EVL: variants seen among roughly 807,000 people sequenced by gnomAD.
EVL encodes ena/VASP-like protein.
Under a neutral mutation model 59.6 loss-of-function variants are expected in EVL, and 21 were observed. That is an observed-to-expected ratio of 0.35 (90% CI 0.25 to 0.51). The LOEUF (loss-of-function observed/expected upper bound fraction) is 0.51, where lower values mean the gene tolerates loss of function less well. Ranked by LOEUF, EVL falls within the 20% of genes least tolerant of loss-of-function variation. EVL has a pLI of 0.97. For synonymous variants in EVL, 198 were observed against 203.5 expected (o/e 0.97, Z 0.23); for missense variants, 462 against 546.6 (o/e 0.85, Z 1.54).
At chr14:100,058,037 A>G (rs1387948642) in intron 1 of EVL, among the ~76,000 whole-genome samples, 1 of 152,252 alleles carries the variant, frequency 6.6e-6, no homozygotes, top group Non-Finnish European at 1.5e-5. Flanking sequence ...AGACCCTTTC[A>G]TTCACAAACA....
At chr14:100,121,126 T>C (rs1196234139) in intron 3 of EVL, among the ~76,000 whole-genome samples, 1 of 152,178 alleles carries the variant, frequency 6.6e-6, no homozygotes, top group Non-Finnish European at 1.5e-5. Flanking sequence ...AGGGAAGTCA[T>C]GTGTAGTGCC....
chr14:100,038,875 G>A (rs150149775), intron 1 of EVL, among the ~76,000 whole-genome samples: 3,997 of 151,374 alleles, frequency 0.026, 81 homozygotes, highest in Non-Finnish European at 0.04. Context: ...TGGGTTATTG[G>A]TTACTTTTCC....
intron 1 of EVL, among the ~76,000 whole-genome samples, chr14:100,056,965 A>C (rs1306084929): frequency 6.6e-6 from 1 of 152,240 alleles, no homozygotes; most frequent in African/African-American, 2.4e-5. Flanking sequence ...ACCACTAAAT[A>C]GATAAAATTT....
At chr14:100,087,584 A>C (rs2062473851) in intron 2 of EVL, among the ~76,000 whole-genome samples, 1 of 152,244 alleles carries the variant, frequency 6.6e-6, no homozygotes, top group African/African-American at 2.4e-5. Context: ...ACTGCATTCC[A>C]GCCTGGGTGA....
chr14:100,099,843 G>A (rs914998329), intron 3 of EVL, among the ~76,000 whole-genome samples: 1 of 151,668 alleles, frequency 6.6e-6, no homozygotes, highest in Non-Finnish European at 1.5e-5. Context: ...AAAGTGCTGG[G>A]ATTACAGGCG....
chr14:100,007,207 T>C (rs542030041), intron 1 of EVL, among the ~76,000 whole-genome samples: 1 of 152,138 alleles, frequency 6.6e-6, no homozygotes, highest in African/African-American at 2.4e-5. Flanking sequence ...TCAGTATATG[T>C]AAGATATATA....
At chr14:100,120,309 C>T (rs973545384) in intron 3 of EVL, among the ~76,000 whole-genome samples, 16 of 152,234 alleles carry the variant, frequency 1.1e-4, no homozygotes, top group African/African-American at 3.4e-4. Flanking sequence ...CCCTTCCTGA[C>T]TTAGTTCAGT....
intron 11 of EVL, 93 bp from the exon 12 acceptor site, chr14:100,141,087 C>A: frequency 8.2e-7 from 1 of 1,216,554 alleles, no homozygotes; most frequent in Non-Finnish European, 1.2e-6. Context: ...GCGAGGGGAG[C>A]AGGTGGGCCC....
At position 100,130,714 on chromosome 14, in the gene EVL, A is replaced by T. The variant is rs1888380460; in HGVS notation, c.839+1030A>T. ...GGCAGCTGGTGTGGCGCTTCATGGC[A>T]GGGCCACAGCCTGGGTTTCCTGCCA... On this transcript the variant is annotated intron_variant, in intron 7 of 13. Transcript: ENST00000392920. The surrounding 1 kb of genome is among the most constrained non-coding windows in gnomAD (Gnocchi z 4.8). Among the ~76,000 whole-genome samples, 1 of 152,220 alleles carries T rather than the reference A, an allele frequency of 6.6e-6. No individual in the cohort carries two copies. Among genetic ancestry groups the T allele is most frequent in the Non-Finnish European group, 1.5e-5 (1 of 68,036 alleles).
At chr14:100,073,326 T>C (rs562926439) in intron 1 of EVL, among the ~76,000 whole-genome samples, 42 of 150,920 alleles carry the variant, frequency 2.8e-4, no homozygotes, top group Middle Eastern at 3.4e-3. Flanking sequence ...TTTTCTTTTT[T>C]TTTTTTTTTT....
In EVL at chr14:100,109,858, C is replaced by T. The variant is rs567223877; in HGVS notation, c.358+12200C>T. ...TGCATACTGTGGAAGGAACTTCGGA[C>T]GTGAACTCGGATCTGGTTCCAGTAC... is the stretch of plus-strand genomic sequence containing the variant. On this transcript the variant is annotated intron_variant, in intron 3 of 13. Coordinates refer to ENST00000392920, the MANE Select transcript of EVL (RefSeq NM_016337.3). This position sits in a 1 kb window ranked among gnomAD's most constrained non-coding sequence, Gnocchi z 4.3. 1.8e-5 allele frequency: 7 copies of T among 391,796 alleles called. No individual in the cohort carries two copies. The highest frequency in any genetic ancestry group is 2.1e-5 in the Non-Finnish European group (4 of 188,016). The allele number at this position is 391,796 out of a possible 1,614,324, so 24.3% of individuals were successfully genotyped here.
intron 13 of EVL, among the ~76,000 whole-genome samples, chr14:100,143,369 TC>T (rs1233204775): frequency 6.6e-6 from 1 of 151,932 alleles, no homozygotes; most frequent in Non-Finnish European, 1.5e-5. Flanking sequence ...AGACCCTGCG[TC>T]CCCACACAGC....
intron 1 of EVL, among the ~76,000 whole-genome samples, chr14:100,070,545 G>C (rs957125032): frequency 6.6e-6 from 1 of 152,152 alleles, no homozygotes; most frequent in South Asian, 2.1e-4. Context: ...ATCTCTTGTC[G>C]ATGCTCTGTC....
intron 1 of EVL, chr14:99,975,005 T>TG (rs1297169931): frequency 6.6e-6 from 1 of 152,614 alleles, no homozygotes; most frequent in Non-Finnish European, 1.5e-5. Flanking sequence ...AGTTTGATGA[T>TG]GGGGACCTAC....
chr14:99,999,796 C>A (rs950498481), intron 1 of EVL, among the ~76,000 whole-genome samples: 1 of 152,194 alleles, frequency 6.6e-6, no homozygotes, highest in South Asian at 2.1e-4. Context: ...CTCTCTTCCC[C>A]TGTGAGGCCA....
chr14:100,140,780 C>T (rs1237142556), intron 11 of EVL: 2 of 165,448 alleles, frequency 1.2e-5, no homozygotes, highest in Non-Finnish European at 2.6e-5. Context: ...TGCTGCTTCC[C>T]CGAGCCCCAA....
At chr14:100,013,971 TACAAATGGG>T (rs2061033998) in intron 1 of EVL, among the ~76,000 whole-genome samples, 1 of 152,232 alleles carries the variant, frequency 6.6e-6, no homozygotes, top group African/African-American at 2.4e-5. Context: ...AATAACTAAT[TACAAATGGG>T]ACAAATGGGG....
At chr14:100,086,547 A>G (rs542044690) in intron 2 of EVL, among the ~76,000 whole-genome samples, 15 of 152,238 alleles carry the variant, frequency 9.9e-5, no homozygotes, top group Non-Finnish European at 2.1e-4. Context: ...GGAAGACGGC[A>G]TGGTGTACTG....
Position 100,126,911 on chromosome 14 carries a change from T to G in EVL, c.487+140T>G, listed in dbSNP as rs1171617831. On this transcript the variant is annotated intron_variant, in intron 5 of 13. Transcript: ENST00000392920. ...TAGGTCTCAAAGTGCAACCACCACT[T>G]CAGATGGTGAGGGTAGCAAGAGAGC... The G allele has an allele frequency of 2.5e-5, 18 of 722,802 alleles. 1 individual carries two copies. In the Admixed American group the frequency reaches 4.7e-4, roughly 19 times the overall value. 44.8% of individuals were successfully genotyped at this position (722,802 alleles called of 1,614,324 possible).
Sources: allele counts gnomAD v4.1 joint callset (sites outside exome capture counted in the v4.1 genomes callset), GRCh38; gene constraint gnomAD v4.1.1; non-coding constraint Gnocchi (gnomAD v3.1); transcripts MANE v1.5; gene names NCBI Gene and HGNC (gene_info 2026-07-23, HGNC 2026-07-21).